SCFD2: variants seen among roughly 807,000 people sequenced by gnomAD.
The protein encoded by SCFD2 is sec1 family domain containing 2.
SCFD2 carries 54 observed loss-of-function variants against 58.9 expected under a neutral mutation model. The ratio of observed to expected loss-of-function variants is 0.92; its 90% CI spans 0.74 to 1.15. The LOEUF (loss-of-function observed/expected upper bound fraction) is 1.15. Ranked by LOEUF, SCFD2 falls within the 50% of genes most tolerant of loss-of-function variation. SCFD2 has a pLI of 0.00. For missense variants in SCFD2, 805 were observed against 836.6 expected (o/e 0.96, Z 0.47); for synonymous variants, 321 against 335.9 (o/e 0.96, Z 0.49).
At chr4:52,981,900 G>A (rs1282194993) in intron 5 of SCFD2, among the ~76,000 whole-genome samples, 1 of 152,200 alleles carries the variant, frequency 6.6e-6, no homozygotes, top group African/African-American at 2.4e-5. Flanking sequence ...ACCAGCTGGA[G>A]GTTCTTACAG....
chr4:53,251,828 C>T (rs955863691), intron 4 of SCFD2, among the ~76,000 whole-genome samples: 51 of 151,718 alleles, frequency 3.4e-4, no homozygotes, highest in African/African-American at 1.2e-3. Flanking sequence ...TGGCACAAGA[C>T]AGGGATGCCC....
intron 4 of SCFD2, among the ~76,000 whole-genome samples, chr4:53,231,189 CT>C (rs1729427051): frequency 6.6e-6 from 1 of 151,878 alleles, no homozygotes; most frequent in Non-Finnish European, 1.5e-5. Flanking sequence ...AAAAAAAACC[CT>C]TCTTAATACT....
intron 4 of SCFD2, among the ~76,000 whole-genome samples, chr4:53,224,169 T>A (rs1476418912): frequency 1.3e-5 from 2 of 152,030 alleles, no homozygotes; most frequent in Non-Finnish European, 2.9e-5. Flanking sequence ...GGCGGGTGGA[T>A]CATGAGGTCA....
At chr4:53,199,401 A>G (rs1190976682) in intron 4 of SCFD2, among the ~76,000 whole-genome samples, 1 of 152,114 alleles carries the variant, frequency 6.6e-6, no homozygotes, top group Non-Finnish European at 1.5e-5. Flanking sequence ...GTGTAGTATA[A>G]GAAGAAATAC....
intron 5 of SCFD2, among the ~76,000 whole-genome samples, chr4:52,930,631 G>A (rs1719969895): frequency 6.6e-6 from 1 of 151,924 alleles, no homozygotes; most frequent in Non-Finnish European, 1.5e-5. Context: ...CTCTAAAATG[G>A]CTCTCTTCTG....
At chr4:53,229,738 A>C (rs1251836462) in intron 4 of SCFD2, among the ~76,000 whole-genome samples, 1 of 152,194 alleles carries the variant, frequency 6.6e-6, no homozygotes, top group Non-Finnish European at 1.5e-5. Flanking sequence ...AAAACACCAA[A>C]AGCAATGGCA....
chr4:53,307,786 G>C (rs1049524919), intron 3 of SCFD2, among the ~76,000 whole-genome samples: 2 of 152,128 alleles, frequency 1.3e-5, no homozygotes, highest in African/African-American at 4.8e-5. Context: ...AGTTTTCCAG[G>C]TGTTAGAAGA....
intron 3 of SCFD2, among the ~76,000 whole-genome samples, chr4:53,277,480 T>G (rs1467166670): frequency 1.3e-5 from 2 of 152,140 alleles, no homozygotes; most frequent in African/African-American, 4.8e-5. Context: ...TACTTAATCA[T>G]GATAGTGGTA....
At chr4:53,229,828 A>G (rs1412430825) in intron 4 of SCFD2, among the ~76,000 whole-genome samples, 1 of 152,242 alleles carries the variant, frequency 6.6e-6, no homozygotes, top group Non-Finnish European at 1.5e-5. Flanking sequence ...ATCAGAGTGA[A>G]CAGGCAACCT....
intron 5 of SCFD2, among the ~76,000 whole-genome samples, chr4:53,136,707 GAAA>G (rs1725953580): frequency 6.6e-6 from 1 of 152,116 alleles, no homozygotes; most frequent in Admixed American, 6.6e-5. Context: ...CAAGTTTATG[GAAA>G]TCAGCACACA....
At chr4:52,875,802 C>CTATATATATATATA (rs3052566) in intron 8 of SCFD2, among the ~76,000 whole-genome samples, 7 of 61,286 alleles carry the variant, frequency 1.1e-4, no homozygotes, top group Non-Finnish European at 1.7e-4. Flanking sequence ...TTATCTTTAA[C>CTATATATATATATA]TATATATATA....
At chr4:52,981,682 C>T (rs1721377644) in intron 5 of SCFD2, among the ~76,000 whole-genome samples, 1 of 152,052 alleles carries the variant, frequency 6.6e-6, no homozygotes, top group Admixed American at 6.6e-5. Context: ...GGGGCAACAC[C>T]ACACAGGAAG....
At chr4:53,190,506 G>A (rs1380525988) in intron 4 of SCFD2, among the ~76,000 whole-genome samples, 4 of 152,098 alleles carry the variant, frequency 2.6e-5, no homozygotes, top group Non-Finnish European at 4.4e-5. Context: ...TCTTAGTGAG[G>A]CCTTCTTGAC....
At chr4:52,970,621 G>A (rs1721075467) in intron 5 of SCFD2, among the ~76,000 whole-genome samples, 1 of 152,202 alleles carries the variant, frequency 6.6e-6, no homozygotes, top group Non-Finnish European at 1.5e-5. Context: ...AGGCAGCAGA[G>A]TCCTCTGCAG....
chr4:53,023,065 AGTT>A lies in SCFD2; in HGVS notation c.1562-102198_1562-102196del, dbSNP rs143440270. Among the ~76,000 whole-genome samples, 1,289 of 152,304 alleles carry A rather than the reference AGTT, an allele frequency of 8.5e-3. 21 individuals carry two copies. The highest frequency in any genetic ancestry group is 0.029 in the African/African-American group (1,209 of 41,574). On this transcript the variant is annotated intron_variant, in intron 5 of 8. Transcript: ENST00000401642. ...ATTGATTTAATTTATGGTGATCATG[AGTT>A]GTTGTTATCTTCTTGAGACCTTTGT...
intron 4 of SCFD2, among the ~76,000 whole-genome samples, chr4:53,210,443 G>A (rs1027964384): frequency 6.6e-6 from 1 of 151,972 alleles, no homozygotes; most frequent in Non-Finnish European, 1.5e-5. Context: ...ATTCTCTCAG[G>A]AGCATAGAGT....
chr4:53,002,881 C>A (rs1258499211), intron 5 of SCFD2, among the ~76,000 whole-genome samples: 4 of 152,152 alleles, frequency 2.6e-5, no homozygotes, highest in African/African-American at 9.7e-5. Context: ...CCTCAGGGAG[C>A]TTTTACTCAT....
chr4:53,129,073 T>G (rs1290242195), intron 5 of SCFD2, among the ~76,000 whole-genome samples: 1 of 152,208 alleles, frequency 6.6e-6, no homozygotes, highest in African/African-American at 2.4e-5. Context: ...CTTCAAAAAT[T>G]AAAACTCTAA....
chr4:53,067,340 CA>C (rs1723691068), intron 5 of SCFD2, among the ~76,000 whole-genome samples: 1 of 151,954 alleles, frequency 6.6e-6, no homozygotes, highest in Non-Finnish European at 1.5e-5. Flanking sequence ...GGTTAGTACT[CA>C]AACATACATT....
Sources: gnomAD v4.1 joint callset for allele counts (sites outside exome capture counted in the v4.1 genomes callset) on GRCh38, gnomAD v4.1.1 for gene constraint, MANE v1.5 for transcripts, NCBI Gene and HGNC (gene_info 2026-07-23, HGNC 2026-07-21) for gene names.